The following CLCN4 variants were observed in gnomAD, a reference collection of about 807,000 sequenced individuals.
CLCN4 encodes the protein H(+)/Cl(-) exchange transporter 4.
Under a neutral mutation model 41.7 loss-of-function variants are expected in CLCN4, and 1 was observed. The observed-to-expected ratio is 0.02, with a 90% confidence interval of 0.01 to 0.11. The LOEUF (loss-of-function observed/expected upper bound fraction) is 0.11, where lower values mean the gene tolerates loss of function less well. CLCN4 is among the 10% of genes least tolerant of loss of function. The probability of loss-of-function intolerance (pLI) is 1.00; values close to 1 mark genes in which losing one functional copy is unlikely to be tolerated. For missense variants in CLCN4, 287 were observed against 661.0 expected (o/e 0.43, Z 6.20); for synonymous variants, 277 against 285.8 (o/e 0.97, Z 0.31).
intron 2 of CLCN4, among the ~76,000 whole-genome samples, chrX:10,177,501 G>T (rs1028636211): frequency 1.6e-4 from 18 of 112,051 alleles, no homozygotes; most frequent in Admixed American, 1.4e-3. Context: ...TGAGGGTTGG[G>T]ATAGTGGTTA....
intron 12 of CLCN4, among the ~76,000 whole-genome samples, chrX:10,230,793 A>G (rs1925108917): frequency 8.9e-6 from 1 of 112,373 alleles, no homozygotes; most frequent in Non-Finnish European, 1.9e-5. Context: ...TATTGTCAAT[A>G]TCTTGCATTA....
intron 12 of CLCN4, among the ~76,000 whole-genome samples, chrX:10,228,079 C>T (rs903142405): frequency 3.6e-5 from 4 of 111,169 alleles, no homozygotes; most frequent in Non-Finnish European, 5.7e-5. Flanking sequence ...ATTTATCCTT[C>T]GGGTTACAAA....
intron 11 of CLCN4, among the ~76,000 whole-genome samples, chrX:10,216,918 T>TATATACACACACACACAC (rs773265490): frequency 7.4e-4 from 29 of 38,931 alleles, no homozygotes; most frequent in African/African-American, 1.9e-3. Context: ...TATATATATA[T>TATATACACACACACACAC]ACACACACAC....
intron 2 of CLCN4, among the ~76,000 whole-genome samples, chrX:10,164,006 A>T (rs1405905619): frequency 1.8e-5 from 2 of 112,706 alleles, no homozygotes; most frequent in African/African-American, 3.2e-5. Flanking sequence ...ACATGTTAGG[A>T]CCAAATGGAC....
intron 5 of CLCN4, among the ~76,000 whole-genome samples, chrX:10,196,911 A>G (rs1924110136): frequency 8.9e-6 from 1 of 112,502 alleles, no homozygotes; most frequent in African/African-American, 3.2e-5. Flanking sequence ...AGCCTCCAAA[A>G]AAGTACATAT....
rs769370390 is a variant in CLCN4, at chrX:10,176,644, G to A, written c.-11-8378G>A. 1.1e-4 allele frequency among the ~76,000 whole-genome samples: 12 copies of A among 112,083 alleles called. No homozygotes were observed. The East Asian group carries it at 3.1e-3, about 29-fold the overall frequency. ...CTGGCAGGGGACCCTGCCGGGACTTGCCTCTAGGGTGGCCTTCCTTGCTTG... is the reference window on the plus strand; with the variant it reads ...CTGGCAGGGGACCCTGCCGGGACTTACCTCTAGGGTGGCCTTCCTTGCTTG... On this transcript the variant is annotated intron_variant, in intron 2 of 12. Coordinates refer to ENST00000380833, the MANE Select transcript of CLCN4 (RefSeq NM_001830.4).
intron 12 of CLCN4, among the ~76,000 whole-genome samples, chrX:10,223,739 A>C (rs942199679): frequency 2.7e-5 from 3 of 111,153 alleles, no homozygotes; most frequent in African/African-American, 9.8e-5. Context: ...GCTAAGAGTG[A>C]ATTTGGGTGA....
At chrX:10,159,159 A>G (rs1186887596) in intron 2 of CLCN4, among the ~76,000 whole-genome samples, 1 of 111,790 alleles carries the variant, frequency 8.9e-6, no homozygotes, top group Non-Finnish European at 1.9e-5. Context: ...AGGTGTTTTA[A>G]GTAGATTAAA....
At chrX:10,199,445 A>G (rs1001430863) in intron 6 of CLCN4, among the ~76,000 whole-genome samples, 4 of 112,542 alleles carry the variant, frequency 3.6e-5, no homozygotes, top group Non-Finnish European at 7.5e-5. Flanking sequence ...TGGGTGTCGC[A>G]AGGGCTGCAA....
At chrX:10,216,895 G>GTATATATATATATATATATATATATA (rs1277215208) in intron 11 of CLCN4, among the ~76,000 whole-genome samples, 8 of 2,086 alleles carry the variant, frequency 3.8e-3, no homozygotes, top group African/African-American at 6.4e-3. Context: ...GTGTGTGTGT[G>GTATATATATATATATATATATATATA]TGTATATATA....
Position 10,191,692 on chromosome X carries a change from A to ATTTTTTTTTTTT in CLCN4, c.245-3202_245-3191dup, listed in dbSNP as rs760315418. ...AGGCGCGTGCCACCATATCTGGTTAATTTTTTTTTTTTTTTTTTTTTTTTT... is the reference window on the plus strand; with the variant it reads ...AGGCGCGTGCCACCATATCTGGTTAATTTTTTTTTTTTTTTTTTTTTTTTTTTTTTTTTTTTT... On this transcript the variant is annotated intron_variant, in intron 4 of 12. Transcript: ENST00000380833. 2.2e-4 allele frequency among the ~76,000 whole-genome samples: 11 copies of ATTTTTTTTTTTT among 49,770 alleles called. 1 individual carries two copies. The highest frequency in any genetic ancestry group is 1.0e-3 in the African/African-American group (11 of 10,846). 43.2% of individuals were successfully genotyped at this position (49,770 alleles called of 115,157 possible).
At chrX:10,210,504 AT>A (rs1306340648) in intron 9 of CLCN4, among the ~76,000 whole-genome samples, 148 of 110,598 alleles carry the variant, frequency 1.3e-3, no homozygotes, top group African/African-American at 4.8e-3. Context: ...AATTTTATTT[AT>A]TTTTATTAAA....
intron 4 of CLCN4, among the ~76,000 whole-genome samples, chrX:10,191,514 T>G (rs1923960341): frequency 9.0e-6 from 1 of 111,131 alleles, no homozygotes; most frequent in African/African-American, 3.3e-5. Context: ...TTCAAGTGTT[T>G]GTGTGCATGG....
At chrX:10,161,943 G>A (rs1923116626) in intron 2 of CLCN4, among the ~76,000 whole-genome samples, 1 of 108,581 alleles carries the variant, frequency 9.2e-6, no homozygotes, top group Non-Finnish European at 1.9e-5. Flanking sequence ...AGCCTGAGAA[G>A]AACTGAGACC....
In CLCN4 at chrX:10,213,899, G is replaced by A; in HGVS notation, c.1795G>A (p.Val599Ile). 8.3e-7 allele frequency: 1 copy of A among 1,211,827 alleles called. No individual in the cohort carries two copies. The highest frequency in any genetic ancestry group is 1.1e-6 in the Non-Finnish European group (1 of 895,435). Residue 599 changes from valine to isoleucine, a missense_variant, in exon 11 of 13, where the codon GTC becomes ATC. Transcript: ENST00000380833. ...TACTCACCGCACACTGGCCACCGACGTCATGCGGCCCCGGCGGGGAGAGCC... is the reference window on the plus strand; with the variant it reads ...TACTCACCGCACACTGGCCACCGACATCATGCGGCCCCGGCGGGGAGAGCC... ...EFTHRTLATDVMRPRRGEPPL... is the reference protein window; with the variant it reads ...EFTHRTLATDIMRPRRGEPPL...
At chrX:10,216,674 C>T (rs750206533) in intron 11 of CLCN4, among the ~76,000 whole-genome samples, 6 of 107,239 alleles carry the variant, frequency 5.6e-5, no homozygotes, top group Admixed American at 2.0e-4. Context: ...TGGCAAGAAC[C>T]GCAATTACTT....
intron 2 of CLCN4, among the ~76,000 whole-genome samples, chrX:10,178,656 G>A (rs1459438749): frequency 9.0e-6 from 1 of 111,228 alleles, no homozygotes; most frequent in Non-Finnish European, 1.9e-5. Flanking sequence ...GCCTGACTTC[G>A]CCCCCATTTT....
chrX:10,208,670 G>C, intron 9 of CLCN4, 80 bp downstream of exon 9: 2 of 961,073 alleles, frequency 2.1e-6, no homozygotes, highest in Non-Finnish European at 2.8e-6. Flanking sequence ...ATAAAATTGC[G>C]GTGGGAAAAA....
chrX:10,167,703 G>A (rs560419666), intron 2 of CLCN4, among the ~76,000 whole-genome samples: 14 of 112,687 alleles, frequency 1.2e-4, no homozygotes, highest in Middle Eastern at 4.6e-3. Context: ...GGGAGCCCCC[G>A]TCCAACTTTC....
Sources: allele counts gnomAD v4.1 joint callset (sites outside exome capture counted in the v4.1 genomes callset), GRCh38; gene constraint gnomAD v4.1.1; transcripts MANE v1.5; gene names NCBI Gene and HGNC (gene_info 2026-07-23, HGNC 2026-07-21).